The following ANKS1B variants were observed in gnomAD, a reference collection of about 807,000 sequenced individuals.
The protein encoded by ANKS1B is ankyrin repeat and sterile alpha motif domain-containing protein 1B.
Under a neutral mutation model 148.3 loss-of-function variants are expected in ANKS1B, and 36 were observed. The observed-to-expected ratio is 0.24, with a 90% confidence interval of 0.19 to 0.32. The LOEUF (loss-of-function observed/expected upper bound fraction) is 0.32, where lower values mean the gene tolerates loss of function less well. Among genes scored for constraint, ANKS1B ranks in the 10% least tolerant of loss-of-function variants. The probability of loss-of-function intolerance (pLI) is 1.00; values close to 1 mark genes in which losing one functional copy is unlikely to be tolerated. For missense variants in ANKS1B, 1,157 were observed against 1,542.6 expected, an observed-to-expected ratio of 0.75 and a Z score of 4.19; for synonymous variants, 542 against 560.8, an observed-to-expected ratio of 0.97 and a Z score of 0.47.
intron 8 of ANKS1B, among the ~76,000 whole-genome samples, chr12:99,661,779 C>G (rs1235538942): frequency 1.3e-5 from 2 of 152,172 alleles, no homozygotes; most frequent in East Asian, 3.8e-4. Context: ...CACATGTATT[C>G]TTTGAATAAA....
intron 1 of ANKS1B, among the ~76,000 whole-genome samples, chr12:99,968,895 C>T (rs1384992218): frequency 6.6e-6 from 1 of 152,162 alleles, no homozygotes; most frequent in Non-Finnish European, 1.5e-5. Context: ...TATACACTGG[C>T]TCACCTTTGC....
intron 12 of ANKS1B, among the ~76,000 whole-genome samples, chr12:99,345,845 TA>T (rs1047324270): frequency 1.3e-5 from 2 of 151,756 alleles, no homozygotes; most frequent in Non-Finnish European, 2.9e-5. Flanking sequence ...AGCCTGAGCC[TA>T]AAAAAAATGC....
At position 99,085,015 on chromosome 12, in the gene ANKS1B, A is replaced by T; in HGVS notation, c.2535T>A (p.Asn845Lys). The change falls in exon 16 of 27, where the codon AAT becomes AAA. Residue 845 changes from asparagine (N) to lysine (K), a missense_variant. Physicochemically the swap from Asn to Lys is moderately conservative, Grantham distance 94. This residue lies in a region of ANKS1B where 258 missense variants were observed against 497.0 expected (regional missense o/e 0.52). Transcript: ENST00000683438. Reference sequence around the variant, plus strand: ...CCAACAAATCCTGATCTTCCATAACATTGCTTCCCTGAAACAAAACAGAAA... The same window carrying T: ...CCAACAAATCCTGATCTTCCATAACTTTGCTTCCCTGAAACAAAACAGAAA... ...GFDNVQFMGS[N>K]VMEDQDLLEI... 1.9e-6 allele frequency: 3 copies of T among 1,606,548 alleles called. No individual in the cohort carries two copies. The highest frequency in any genetic ancestry group is 2.6e-6 in the Non-Finnish European group (3 of 1,176,042).
chr12:99,384,649 C>G (rs1256929703), intron 12 of ANKS1B, among the ~76,000 whole-genome samples: 2 of 151,670 alleles, frequency 1.3e-5, no homozygotes, highest in African/African-American at 4.9e-5. Flanking sequence ...CCCTCCCCTC[C>G]TCTCCTCTCT....
At chr12:99,310,668 C>T (rs2083013380) in intron 12 of ANKS1B, among the ~76,000 whole-genome samples, 1 of 152,106 alleles carries the variant, frequency 6.6e-6, no homozygotes, top group Non-Finnish European at 1.5e-5. Context: ...CAGGCTGGGA[C>T]CAAACCATCA....
intron 8 of ANKS1B, among the ~76,000 whole-genome samples, chr12:99,677,972 C>CA (rs200545392): frequency 1.1e-4 from 16 of 152,104 alleles, no homozygotes; most frequent in Admixed American, 2.6e-4. Context: ...GACTCCGTCT[C>CA]AAAAAAAAAT....
chr12:99,939,143 G>A (rs1407688877), intron 1 of ANKS1B, among the ~76,000 whole-genome samples: 2 of 152,120 alleles, frequency 1.3e-5, no homozygotes, highest in Non-Finnish European at 1.5e-5. Flanking sequence ...CTAGACTGGA[G>A]TGCAGTGGCA....
intron 1 of ANKS1B, among the ~76,000 whole-genome samples, chr12:99,951,853 T>A (rs2095230267): frequency 2.0e-5 from 3 of 152,190 alleles, no homozygotes; most frequent in African/African-American, 7.2e-5. Flanking sequence ...GCCACTGCAC[T>A]CTAGCCAAGG....
intron 17 of ANKS1B, among the ~76,000 whole-genome samples, chr12:98,838,227 G>A (rs2099386223): frequency 6.6e-6 from 1 of 152,112 alleles, no homozygotes; most frequent in Admixed American, 6.5e-5. Flanking sequence ...CATTCCACAT[G>A]CTTAAATAAT....
At chr12:99,577,934 G>A (rs1179383372) in intron 9 of ANKS1B, among the ~76,000 whole-genome samples, 2 of 151,826 alleles carry the variant, frequency 1.3e-5, no homozygotes, top group African/African-American at 2.4e-5. Flanking sequence ...AAAACTACAG[G>A]CCAATATCTC....
intron 12 of ANKS1B, among the ~76,000 whole-genome samples, chr12:99,304,964 T>C (rs1484079117): frequency 6.6e-6 from 1 of 152,062 alleles, no homozygotes; most frequent in Non-Finnish European, 1.5e-5. Context: ...AAAAGAGGCT[T>C]ATTGGCTCAT....
At chr12:99,516,951 C>T (rs1450789106) in intron 9 of ANKS1B, among the ~76,000 whole-genome samples, 1 of 152,000 alleles carries the variant, frequency 6.6e-6, no homozygotes, top group Non-Finnish European at 1.5e-5. Context: ...TAACGTGATT[C>T]CTCCAGTGTG....
intron 15 of ANKS1B, chr12:99,093,663 CTG>C: frequency 6.6e-6 from 1 of 152,172 alleles, no homozygotes; most frequent in East Asian, 1.9e-4. Flanking sequence ...GCTAAGGAGC[CTG>C]TGATGGTGAA....
At chr12:99,585,455 A>G (rs1024837764) in intron 9 of ANKS1B, among the ~76,000 whole-genome samples, 1 of 152,056 alleles carries the variant, frequency 6.6e-6, no homozygotes, top group African/African-American at 2.4e-5. Flanking sequence ...TGACTTTTCC[A>G]GGCACACAGT....
At chr12:99,331,896 G>T (rs1347412231) in intron 12 of ANKS1B, among the ~76,000 whole-genome samples, 1 of 151,916 alleles carries the variant, frequency 6.6e-6, no homozygotes. Flanking sequence ...AATGAATAGA[G>T]GGAAAACCTG....
intron 9 of ANKS1B, among the ~76,000 whole-genome samples, chr12:99,538,441 G>A (rs1016522213): frequency 2.0e-5 from 3 of 151,874 alleles, no homozygotes; most frequent in African/African-American, 7.2e-5. Context: ...CTGTGTCAAT[G>A]GTTTATAGTT....
chr12:99,033,326 T>A (rs369698359), intron 17 of ANKS1B, among the ~76,000 whole-genome samples: 1 of 152,214 alleles, frequency 6.6e-6, no homozygotes, highest in Non-Finnish European at 1.5e-5. Flanking sequence ...AGTGTGTAAG[T>A]AGTTGCAGTA....
chr12:99,809,376 A>G (rs976695800), intron 3 of ANKS1B, among the ~76,000 whole-genome samples: 2 of 151,942 alleles, frequency 1.3e-5, no homozygotes, highest in African/African-American at 4.8e-5. Context: ...CTAATGTTAA[A>G]ATAAAGAAAA....
intron 10 of ANKS1B, among the ~76,000 whole-genome samples, chr12:99,462,381 A>G (rs2095994181): frequency 1.3e-5 from 2 of 152,192 alleles, no homozygotes; most frequent in Non-Finnish European, 2.9e-5. Flanking sequence ...CCAGTTTCAG[A>G]ATTCCCTAGG....
Sources: allele counts gnomAD v4.1 joint callset (sites outside exome capture counted in the v4.1 genomes callset), GRCh38; gene constraint gnomAD v4.1.1; regional missense constraint gnomAD v4.1.1; transcripts MANE v1.5; gene names NCBI Gene and HGNC (gene_info 2026-07-23, HGNC 2026-07-21).